The following LOXL2 variants were observed in gnomAD, a reference collection of about 807,000 sequenced individuals.
The protein encoded by LOXL2 is lysyl oxidase like 2, also known as lysyl oxidase homolog 2.
A neutral mutation model predicts 93.0 loss-of-function variants in LOXL2; 70 were observed. The ratio of observed to expected loss-of-function variants is 0.75; its 90% CI spans 0.62 to 0.92. The LOEUF is 0.92. Ranked by LOEUF, LOXL2 falls within the 40% of genes least tolerant of loss-of-function variation. LOXL2 has a pLI of 0.00. For synonymous variants in LOXL2, 438 were observed against 413.2 expected, an observed-to-expected ratio of 1.06 and a Z score of -0.73; for missense variants, 973 against 1,054.9, an observed-to-expected ratio of 0.92 and a Z score of 1.08.
At chr8:23,333,743 A>G in intron 4 of LOXL2, 120 bp from the exon 5 acceptor site, 1 of 759,670 alleles carries the variant, frequency 1.3e-6, no homozygotes, top group South Asian at 1.7e-5. Flanking sequence ...CCTGCTTCAC[A>G]GAGGGTCCCA....
chr8:23,299,258 T>TG (rs1803087536), intron 12 of LOXL2, among the ~76,000 whole-genome samples: 1 of 152,110 alleles, frequency 6.6e-6, no homozygotes, highest in Non-Finnish European at 1.5e-5. Context: ...AGGCAGAAGT[T>TG]GGGGTCTGGG....
At chr8:23,366,629 G>A (rs570377677) in intron 2 of LOXL2, among the ~76,000 whole-genome samples, 1 of 152,284 alleles carries the variant, frequency 6.6e-6, no homozygotes, top group South Asian at 2.1e-4. Flanking sequence ...GCTCCCTTGG[G>A]CGATTCTTAC....
At chr8:23,328,699 T>C in intron 5 of LOXL2, 134 bp from the exon 6 acceptor site, 5 of 664,622 alleles carry the variant, frequency 7.5e-6, no homozygotes, top group Non-Finnish European at 7.7e-6. Context: ...CAACTATGCT[T>C]GATGTATGGA....
At chr8:23,387,101 C>T (rs962420705) in intron 1 of LOXL2, among the ~76,000 whole-genome samples, 2 of 152,196 alleles carry the variant, frequency 1.3e-5, no homozygotes, top group Non-Finnish European at 2.9e-5. Flanking sequence ...CTCTGACTGA[C>T]ACAAATAAAA....
intron 10 of LOXL2, among the ~76,000 whole-genome samples, chr8:23,304,066 G>A (rs1176293888): frequency 6.6e-6 from 1 of 152,222 alleles, no homozygotes; most frequent in Non-Finnish European, 1.5e-5. Context: ...AAGCAGGGAG[G>A]AGCAGAAAGA....
intron 4 of LOXL2, 21 bp downstream of exon 4, chr8:23,340,971 C>T (rs1465028693): frequency 1.2e-6 from 2 of 1,602,418 alleles, no homozygotes; most frequent in Admixed American, 1.7e-5. Context: ...CAAAGCCACC[C>T]CTTTGGTGCA....
chr8:23,332,913 C>CCCCA lies in LOXL2; in HGVS notation c.966+487_966+488insTGGG, dbSNP rs796248585. ...ACACCCCCATACACATACACCCCCC[C>CCCCA]CACAGAGGGGGGGTGTTTCACATAA... is the stretch of plus-strand genomic sequence containing the variant. On this transcript the variant is annotated intron_variant, in intron 5 of 13. Coordinates refer to ENST00000389131, the MANE Select transcript of LOXL2 (RefSeq NM_002318.3). Among the ~76,000 whole-genome samples, 682 of 149,104 alleles carry CCCCA rather than the reference C, an allele frequency of 4.6e-3. 38 individuals carry two copies. In the East Asian group the frequency reaches 0.095, roughly 21 times the overall value.
chr8:23,382,022 G>T (rs1804687592), intron 1 of LOXL2, among the ~76,000 whole-genome samples: 1 of 152,236 alleles, frequency 6.6e-6, no homozygotes, highest in South Asian at 2.1e-4. Context: ...GCAAACCACA[G>T]CCTTGCTGAT....
chr8:23,310,196 G>C (rs973257411), intron 9 of LOXL2, among the ~76,000 whole-genome samples: 7 of 152,358 alleles, frequency 4.6e-5, no homozygotes, highest in East Asian at 1.9e-4. Context: ...ATCATGGTAC[G>C]TTAACAGATC....
chr8:23,316,792 G>A (rs917606822), intron 9 of LOXL2, 157 bp downstream of exon 9: 11 of 706,814 alleles, frequency 1.6e-5, no homozygotes, highest in South Asian at 4.6e-5. Flanking sequence ...TGGGGTGGCG[G>A]TCATCTCTCT....
At chr8:23,392,959 A>G (rs1192444317) in intron 1 of LOXL2, among the ~76,000 whole-genome samples, 1 of 152,238 alleles carries the variant, frequency 6.6e-6, no homozygotes, top group African/African-American at 2.4e-5. Context: ...CCCATTTACA[A>G]TAGCATCAAA....
chr8:23,354,629 G>C (rs1451195207), intron 3 of LOXL2, among the ~76,000 whole-genome samples: 1 of 147,896 alleles, frequency 6.8e-6, no homozygotes, highest in East Asian at 2.1e-4. Context: ...TGTGATGCCA[G>C]TTTACACATG....
chr8:23,380,486 T>A (rs897557123), intron 1 of LOXL2, among the ~76,000 whole-genome samples: 126 of 152,218 alleles, frequency 8.3e-4, no homozygotes, highest in African/African-American at 2.9e-3. Flanking sequence ...TCTGTGGGAA[T>A]GCTTTAGTGT....
chr8:23,311,596 G>T (rs952123256), intron 9 of LOXL2, among the ~76,000 whole-genome samples: 1 of 152,222 alleles, frequency 6.6e-6, no homozygotes, highest in Non-Finnish European at 1.5e-5. Context: ...GGTAGCCTGA[G>T]ATGTGCAATC....
rs1041017436 is a variant in LOXL2 at position 23,359,962 on chromosome 8, T to C, written c.531+128A>G. Reference sequence around the variant, plus strand: ...TCCTTCCCTAAACTGCCCTTGTATCTAATCCCATTGGGTGAGGTACCCTCC... The same window carrying C: ...TCCTTCCCTAAACTGCCCTTGTATCCAATCCCATTGGGTGAGGTACCCTCC... On this transcript the variant is annotated intron_variant, in intron 3 of 13. Coordinates refer to ENST00000389131, the MANE Select transcript of LOXL2 (RefSeq NM_002318.3). 4 of 826,966 alleles carry C rather than the reference T, an allele frequency of 4.8e-6. No homozygotes were observed. The African/African-American group carries it at 6.7e-5, about 14-fold the overall frequency. 51.2% of individuals were successfully genotyped at this position (826,966 alleles called of 1,614,324 possible).
At chr8:23,386,160 T>G (rs1268664051) in intron 1 of LOXL2, 1 of 661,940 alleles carries the variant, frequency 1.5e-6, no homozygotes, top group African/African-American at 1.8e-5. Context: ...GCAGACACCC[T>G]TATTCACTAA....
chr8:23,394,392 C>G (rs1278698330), intron 1 of LOXL2, among the ~76,000 whole-genome samples: 1 of 94,842 alleles, frequency 1.1e-5, no homozygotes, highest in East Asian at 3.6e-4. Flanking sequence ...GACTCTGTCT[C>G]AGAGAAAAAA....
intron 5 of LOXL2, among the ~76,000 whole-genome samples, 174 bp downstream of exon 5, chr8:23,333,227 C>T (rs1487708114): frequency 2.0e-5 from 3 of 152,110 alleles, no homozygotes; most frequent in Admixed American, 1.3e-4. Context: ...TATTCTTCTC[C>T]CCCAGGTGGT....
chr8:23,377,406 T>C (rs1804610754), intron 1 of LOXL2, among the ~76,000 whole-genome samples: 1 of 151,340 alleles, frequency 6.6e-6, no homozygotes, highest in South Asian at 2.1e-4. Flanking sequence ...CTGAGAAGAA[T>C]GTATATTCTG....
Sources: allele counts gnomAD v4.1 joint callset (sites outside exome capture counted in the v4.1 genomes callset), GRCh38; gene constraint gnomAD v4.1.1; transcripts MANE v1.5; gene names NCBI Gene and HGNC (gene_info 2026-07-23, HGNC 2026-07-21).